Variants in TUSC3 observed in about 807,000 individuals in gnomAD.
TUSC3 encodes dolichyl-diphosphooligosaccharide--protein glycosyltransferase subunit TUSC3.
In TUSC3, 45 loss-of-function variants were observed where a neutral mutation model predicts 44.8. The ratio of observed to expected loss-of-function variants is 1.00; its 90% CI spans 0.79 to 1.29. The LOEUF (loss-of-function observed/expected upper bound fraction) is 1.29, where lower values mean the gene tolerates loss of function less well. Ranked by LOEUF, TUSC3 falls within the 50% of genes most tolerant of loss-of-function variation. The pLI is 0.00. For missense variants in TUSC3, 519 were observed against 437.9 expected, an observed-to-expected ratio of 1.19 and a Z score of -1.65; for synonymous variants, 212 against 152.9, an observed-to-expected ratio of 1.39 and a Z score of -2.85.
chr8:15,674,059 A>G (rs989003763), intron 6 of TUSC3, among the ~76,000 whole-genome samples: 1 of 152,030 alleles, frequency 6.6e-6, no homozygotes, highest in Non-Finnish European at 1.5e-5. Context: ...TGATTTAAAA[A>G]ATTAATATCT....
intron 2 of TUSC3, among the ~76,000 whole-genome samples, chr8:15,629,901 T>G (rs531530229): frequency 6.6e-6 from 1 of 152,250 alleles, no homozygotes; most frequent in Non-Finnish European, 1.5e-5. Context: ...TCACAAATTT[T>G]GGAATTCAAT....
At chr8:15,426,476 T>G (rs1799805920) in intron 1 of TUSC3, among the ~76,000 whole-genome samples, 1 of 152,240 alleles carries the variant, frequency 6.6e-6, no homozygotes. Context: ...AGATACCTCA[T>G]GTAAGTGGAA....
At chr8:15,650,506 G>C (rs961238525) in intron 2 of TUSC3, among the ~76,000 whole-genome samples, 191 bp from the exon 3 acceptor site, 2 of 152,038 alleles carry the variant, frequency 1.3e-5, no homozygotes, top group African/African-American at 4.8e-5. Flanking sequence ...ATGAACATCA[G>C]AATTTGAATT....
chr8:15,428,241 T>C (rs1167465632), intron 1 of TUSC3, among the ~76,000 whole-genome samples: 13 of 150,638 alleles, frequency 8.6e-5, no homozygotes, highest in Non-Finnish European at 1.8e-4. Flanking sequence ...GTCCTCACGA[T>C]ACTTCGCTGA....
chr8:15,493,576 A>T (rs1223829993), intron 2 of TUSC3, among the ~76,000 whole-genome samples: 2 of 152,244 alleles, frequency 1.3e-5, no homozygotes, highest in Middle Eastern at 6.8e-3. Flanking sequence ...ATATCAACTT[A>T]ATAAAAAGAA....
intron 1 of TUSC3, among the ~76,000 whole-genome samples, chr8:15,588,609 CT>C (rs1249226980): frequency 6.6e-6 from 1 of 152,014 alleles, no homozygotes; most frequent in Non-Finnish European, 1.5e-5. Context: ...CTTTTGAAGT[CT>C]TATCAACAAA....
chr8:15,481,037 C>G (rs887798738), intron 1 of TUSC3, among the ~76,000 whole-genome samples: 2 of 152,042 alleles, frequency 1.3e-5, no homozygotes, highest in Admixed American at 1.3e-4. Flanking sequence ...CATTTGAGGT[C>G]AGGAGTTCGA....
At chr8:15,769,577 A>G (rs1001030277), downstream of TUSC3, among the ~76,000 whole-genome samples, 5 of 152,182 alleles carry the variant, frequency 3.3e-5, no homozygotes, top group African/African-American at 1.2e-4. Context: ...AAATTGATAC[A>G]TGGGATCTAA....
At chr8:15,422,936 T>C (rs2129115419) in intron 1 of TUSC3, among the ~76,000 whole-genome samples, 1 of 152,194 alleles carries the variant, frequency 6.6e-6, no homozygotes, top group South Asian at 2.1e-4. Context: ...AGCCACTGCG[T>C]CCACCCAGTA....
intron 1 of TUSC3, among the ~76,000 whole-genome samples, chr8:15,480,806 A>C (rs1458434196): frequency 1.3e-5 from 2 of 152,208 alleles, no homozygotes; most frequent in Non-Finnish European, 2.9e-5. Flanking sequence ...TTAAGTCTCT[A>C]TCTCCAAATA....
intron 2 of TUSC3, among the ~76,000 whole-genome samples, chr8:15,625,246 AT>A (rs372462856): frequency 2.0e-5 from 3 of 148,968 alleles, no homozygotes; most frequent in South Asian, 2.1e-4. Flanking sequence ...CAGTTTGCTA[AT>A]TTTTTTTTGA....
intron 2 of TUSC3, among the ~76,000 whole-genome samples, chr8:15,625,507 T>G (rs141803648): frequency 6.6e-6 from 1 of 152,328 alleles, no homozygotes; most frequent in East Asian, 1.9e-4. Context: ...ACATAATCCA[T>G]TTCCTCGATG....
At chr8:15,807,284 A>C in the TUSC3 span, 1 of 572,732 alleles carries the variant, frequency 1.7e-6, no homozygotes, top group Non-Finnish European at 3.2e-6. Context: ...TGGTCCCATT[A>C]TGTCATAATC....
chr8:15,822,118 A>G, the TUSC3 span, among the ~76,000 whole-genome samples: 1 of 152,198 alleles, frequency 6.6e-6, no homozygotes, highest in Non-Finnish European at 1.5e-5. Flanking sequence ...TATAATGCTA[A>G]AATTTTGGCT....
chr8:15,798,026 A>G, the TUSC3 span, among the ~76,000 whole-genome samples: 3 of 152,222 alleles, frequency 2.0e-5, no homozygotes, highest in East Asian at 1.9e-4. Context: ...ATGCTATACT[A>G]TGTCCGATAG....
At chr8:15,657,928 T>C (rs968931500) in intron 3 of TUSC3, among the ~76,000 whole-genome samples, 2 of 152,176 alleles carry the variant, frequency 1.3e-5, no homozygotes, top group African/African-American at 4.8e-5. Context: ...AGGCACTTCT[T>C]GCTGCATCAT....
At chr8:15,670,956 C>G (rs1807918865) in intron 5 of TUSC3, among the ~76,000 whole-genome samples, 1 of 151,826 alleles carries the variant, frequency 6.6e-6, no homozygotes, top group South Asian at 2.1e-4. Context: ...CAGGGAAATG[C>G]AAATAAAATG....
At chr8:15,504,013 CAA>C (rs11330340) in intron 2 of TUSC3, among the ~76,000 whole-genome samples, 11,547 of 113,066 alleles carry the variant, frequency 0.1, 528 homozygotes, top group Middle Eastern at 0.19. Flanking sequence ...GACTCTGTCT[CAA>C]AAAAAAAAAA....
At chr8:15,851,208 C>T in the TUSC3 span, among the ~76,000 whole-genome samples, 2 of 152,088 alleles carry the variant, frequency 1.3e-5, no homozygotes, top group African/African-American at 4.8e-5. Flanking sequence ...GTTATTTTTC[C>T]AGTTCCCATT....
Sources: gnomAD v4.1 joint callset for allele counts (sites outside exome capture counted in the v4.1 genomes callset) on GRCh38, gnomAD v4.1.1 for gene constraint, MANE v1.5 for transcripts, NCBI Gene and HGNC (gene_info 2026-07-23, HGNC 2026-07-21) for gene names.